LRP1B: variants seen among roughly 807,000 people sequenced by gnomAD.
LRP1B encodes the protein LDL receptor related protein 1B.
In LRP1B, 217 loss-of-function variants were observed where a neutral mutation model predicts 556.6. That is an observed-to-expected ratio of 0.39 (90% CI 0.35 to 0.44). LRP1B has a LOEUF of 0.44. Ranked by LOEUF, LRP1B falls within the 20% of genes least tolerant of loss-of-function variation. The pLI is 1.00. For missense variants in LRP1B, 5,053 were observed against 5,620.8 expected (o/e 0.90, Z 3.23); for synonymous variants, 2,047 against 1,865.8 (o/e 1.10, Z -2.50).
intron 2 of LRP1B, among the ~76,000 whole-genome samples, chr2:141,585,070 A>G (rs1328734990): frequency 6.6e-6 from 1 of 152,170 alleles, no homozygotes; most frequent in Non-Finnish European, 1.5e-5. Context: ...AATAAAATTT[A>G]AAAATTAGGA....
intron 66 of LRP1B, among the ~76,000 whole-genome samples, chr2:140,401,766 C>T (rs2105229587): frequency 6.6e-6 from 1 of 152,366 alleles, no homozygotes; most frequent in African/African-American, 2.4e-5. Flanking sequence ...CATAGTCCCT[C>T]ATAGTGTCTC....
chr2:140,895,254 A>C (rs1693916444), intron 23 of LRP1B, among the ~76,000 whole-genome samples: 1 of 152,234 alleles, frequency 6.6e-6, no homozygotes, highest in South Asian at 2.1e-4. Context: ...ATTCAGGCTG[A>C]GATAAAAAAA....
chr2:141,303,537 T>C (rs939372714), intron 3 of LRP1B, among the ~76,000 whole-genome samples: 3 of 152,166 alleles, frequency 2.0e-5, no homozygotes, highest in African/African-American at 7.2e-5. Context: ...ACCTATGCAA[T>C]ATTTTTATTT....
At chr2:142,010,581 A>G (rs1702929750) in intron 1 of LRP1B, among the ~76,000 whole-genome samples, 2 of 144,214 alleles carry the variant, frequency 1.4e-5, no homozygotes, top group Admixed American at 7.0e-5. Context: ...AAAAAAAAAG[A>G]AAGAAATCAT....
intron 20 of LRP1B, among the ~76,000 whole-genome samples, chr2:140,942,722 C>A (rs375296134): frequency 6.6e-6 from 1 of 151,472 alleles, no homozygotes; most frequent in East Asian, 1.9e-4. Flanking sequence ...ATTTTTTTTC[C>A]AGAGTAACAA....
At chr2:140,747,378 G>T (rs72925883) in intron 35 of LRP1B, among the ~76,000 whole-genome samples, 3,825 of 152,258 alleles carry the variant, frequency 0.025, 84 homozygotes, top group Non-Finnish European at 0.034. Flanking sequence ...TCCAGCATGC[G>T]GATTCAATGT....
chr2:141,773,607 G>A (rs1274117914), intron 2 of LRP1B, among the ~76,000 whole-genome samples: 2 of 152,210 alleles, frequency 1.3e-5, no homozygotes, highest in Non-Finnish European at 2.9e-5. Flanking sequence ...TCTTTTAGAA[G>A]GTTTCTTGGC....
intron 43 of LRP1B, among the ~76,000 whole-genome samples, chr2:140,550,291 G>T (rs1680499349): frequency 6.6e-6 from 1 of 152,022 alleles, no homozygotes; most frequent in African/African-American, 2.4e-5. Context: ...CAGATGGTTT[G>T]TCCAACTTCT....
At chr2:141,471,146 T>C (rs1682447104) in intron 3 of LRP1B, among the ~76,000 whole-genome samples, 3 of 152,176 alleles carry the variant, frequency 2.0e-5, no homozygotes, top group Admixed American at 1.3e-4. Flanking sequence ...TGCACATATA[T>C]ATTTTCTAAG....
intron 45 of LRP1B, 54 bp downstream of exon 45, chr2:140,540,919 T>C (rs1176244551): frequency 1.2e-5 from 18 of 1,562,672 alleles, no homozygotes; most frequent in Admixed American, 3.6e-5. Context: ...TTCAGTGATG[T>C]GTGTGGAATT....
chr2:141,336,743 C>A (rs1298940006), intron 3 of LRP1B, among the ~76,000 whole-genome samples: 1 of 151,700 alleles, frequency 6.6e-6, no homozygotes, highest in East Asian at 1.9e-4. Flanking sequence ...CACTATCAAC[C>A]CCTGATTTGA....
chr2:141,569,880 T>A (rs887521512), intron 2 of LRP1B, among the ~76,000 whole-genome samples: 1 of 151,146 alleles, frequency 6.6e-6, no homozygotes, highest in African/African-American at 2.4e-5. Flanking sequence ...AGAACACAGT[T>A]TTTTATATTT....
At chr2:140,990,035 G>C (rs562667334) in intron 16 of LRP1B, among the ~76,000 whole-genome samples, 4 of 151,966 alleles carry the variant, frequency 2.6e-5, no homozygotes, top group African/African-American at 9.6e-5. Flanking sequence ...GTGAAACCCT[G>C]TTTCTACTAA....
chr2:140,299,351 G>C (rs1683725620), intron 83 of LRP1B, among the ~76,000 whole-genome samples: 1 of 152,044 alleles, frequency 6.6e-6, no homozygotes, highest in Non-Finnish European at 1.5e-5. Context: ...AAAAATGCTA[G>C]AGACTGATGC....
At chr2:141,831,445 T>C (rs1488812719) in intron 1 of LRP1B, among the ~76,000 whole-genome samples, 2 of 151,678 alleles carry the variant, frequency 1.3e-5, no homozygotes, top group African/African-American at 4.8e-5. Context: ...TAGCTCTCTG[T>C]ATTTCTGTTC....
In LRP1B at chr2:140,700,271, C is replaced by T. The variant is rs142974716; in HGVS notation, c.6778G>A (p.Asp2260Asn). ...TTACTTTCAACAATTACTTGTCTGT[C>T]TTCCCAGTTGTCTTTAATAAGCTGT... ...NIQLIKDNWE[D>N]RQVIVENVGS... Residue 2260 changes from aspartate to asparagine, a missense_variant, in exon 41 of 91, where the codon GAC becomes AAC. Physicochemically the swap from Asp to Asn is conservative, Grantham distance 23. Coordinates refer to ENST00000389484, the MANE Select transcript of LRP1B (RefSeq NM_018557.3). 13 of 1,611,116 alleles carry T rather than the reference C, an allele frequency of 8.1e-6. No individual in the cohort carries two copies. The highest frequency in any genetic ancestry group is 1.0e-5 in the Non-Finnish European group (12 of 1,178,492).
At chr2:142,001,138 A>G (rs1702639837) in intron 1 of LRP1B, among the ~76,000 whole-genome samples, 2 of 151,970 alleles carry the variant, frequency 1.3e-5, no homozygotes, top group Admixed American at 1.3e-4. Flanking sequence ...GGCCTCCCCA[A>G]CCCCGTGGAA....
chr2:140,435,321 T>C (rs542953996), intron 66 of LRP1B, among the ~76,000 whole-genome samples: 3 of 152,322 alleles, frequency 2.0e-5, no homozygotes, highest in East Asian at 3.9e-4. Context: ...TGTATATATG[T>C]AGTTTTAGAG....
intron 60 of LRP1B, among the ~76,000 whole-genome samples, chr2:140,463,147 A>G (rs1687392642): frequency 6.6e-6 from 1 of 152,244 alleles, no homozygotes; most frequent in Non-Finnish European, 1.5e-5. Flanking sequence ...AACGTGACAA[A>G]GAAAGTGGAA....
Sources: allele counts gnomAD v4.1 joint callset (sites outside exome capture counted in the v4.1 genomes callset), GRCh38; gene constraint gnomAD v4.1.1; transcripts MANE v1.5; gene names NCBI Gene and HGNC (gene_info 2026-07-23, HGNC 2026-07-21).